UBA6: variants seen among roughly 807,000 people sequenced by gnomAD.
The protein encoded by UBA6 is ubiquitin-like modifier-activating enzyme 6.
UBA6 carries 87 observed loss-of-function variants against 148.3 expected under a neutral mutation model. That is an observed-to-expected ratio of 0.59 (90% CI 0.49 to 0.70). The LOEUF (loss-of-function observed/expected upper bound fraction) is 0.70. Ranked by LOEUF, UBA6 falls within the 30% of genes least tolerant of loss-of-function variation. The pLI, the probability that UBA6 is intolerant of heterozygous loss-of-function variation, is 0.00. For synonymous variants in UBA6, 376 were observed against 401.0 expected (o/e 0.94, Z 0.75); for missense variants, 1,186 against 1,241.2 (o/e 0.96, Z 0.67).
chr4:67,622,615 C>T (rs1728776112), intron 32 of UBA6, among the ~76,000 whole-genome samples: 1 of 152,154 alleles, frequency 6.6e-6, no homozygotes, highest in African/African-American at 2.4e-5. Flanking sequence ...AGTGTACTGG[C>T]CAAATCAGGT....
At chr4:67,632,147 T>A (rs921341504) in intron 23 of UBA6, among the ~76,000 whole-genome samples, 2 of 152,192 alleles carry the variant, frequency 1.3e-5, no homozygotes, top group African/African-American at 4.8e-5. Flanking sequence ...ATTTGTAGGT[T>A]TATTGGGAGG....
intron 1 of UBA6, among the ~76,000 whole-genome samples, chr4:67,700,508 C>CT (rs1419410534): frequency 6.7e-6 from 1 of 149,830 alleles, no homozygotes; most frequent in Non-Finnish European, 1.5e-5. Context: ...GAATGGGTAA[C>CT]TTGTGTATTT....
Position 67,618,905 on chromosome 4 carries a change from A to G in UBA6, c.*92T>C. The G allele has an allele frequency of 2.4e-6, 3 of 1,258,414 alleles. No homozygotes were observed. Among genetic ancestry groups the G allele is most frequent in the South Asian group, 3.1e-5 (2 of 65,460 alleles). The allele number at this position is 1,258,414 out of a possible 1,614,324, so 78.0% of individuals were successfully genotyped here. On this transcript the variant is annotated 3_prime_UTR_variant, in exon 33 of 33. Transcript: ENST00000322244. ...TTAAGGCTTAATGAAAGAGAAATCC[A>G]TAGTATTATGAACTGATTTTCTTTA...
chr4:67,701,137 C>T lies in UBA6; in HGVS notation c.-18G>A, dbSNP rs1730975123. On this transcript the variant is annotated 5_prime_UTR_variant, in exon 1 of 33. Coordinates refer to ENST00000322244, the MANE Select transcript of UBA6 (RefSeq NM_018227.6). Reference sequence around the variant, plus strand: ...CCTTCCATTGCCGCCTGAGACACCGCCGCCGGCTACTGGAAGGTAGGAAGG... The same window carrying T: ...CCTTCCATTGCCGCCTGAGACACCGTCGCCGGCTACTGGAAGGTAGGAAGG... The T allele has an allele frequency of 1.2e-6, 2 of 1,611,034 alleles. No homozygotes were observed. Among genetic ancestry groups the T allele is most frequent in the African/African-American group, 1.3e-5 (1 of 74,870 alleles).
chr4:67,637,486 A>C (rs963055345), intron 19 of UBA6, among the ~76,000 whole-genome samples: 2 of 152,184 alleles, frequency 1.3e-5, no homozygotes, highest in African/African-American at 4.8e-5. Context: ...GGTTTTGTAG[A>C]ATAGAAAAGG....
intron 13 of UBA6, among the ~76,000 whole-genome samples, chr4:67,649,691 T>C (rs990698869): frequency 3.9e-5 from 6 of 152,130 alleles, no homozygotes; most frequent in African/African-American, 1.4e-4. Flanking sequence ...CAATTAATAA[T>C]AACACAATAC....
intron 17 of UBA6, among the ~76,000 whole-genome samples, chr4:67,643,376 A>G (rs1331279304): frequency 1.3e-5 from 2 of 151,974 alleles, no homozygotes; most frequent in Non-Finnish European, 2.9e-5. Flanking sequence ...CTTTTTCTGC[A>G]TAGTCCTGAG....
chr4:67,669,537 A>G (rs751580024), intron 8 of UBA6, among the ~76,000 whole-genome samples: 1 of 152,182 alleles, frequency 6.6e-6, no homozygotes, highest in African/African-American at 2.4e-5. Context: ...AGTTGATTAC[A>G]AAGAGTACAA....
In UBA6 at chr4:67,638,925, T is replaced by G. The variant is rs1729234848; in HGVS notation, c.1736+18A>C. The G allele has an allele frequency of 1.3e-6, 2 of 1,561,660 alleles. No homozygotes were observed. On this transcript the variant is annotated intron_variant, in intron 19 of 32. Transcript: ENST00000322244. Reference sequence around the variant, plus strand: ...AACTAAAGACAATTCTGTAGGAACATGAATTTCAAGAACATACCTGTCTAC... The same window carrying G: ...AACTAAAGACAATTCTGTAGGAACAGGAATTTCAAGAACATACCTGTCTAC...
chr4:67,627,306 T>C (rs1418402522), intron 27 of UBA6, among the ~76,000 whole-genome samples: 1 of 151,972 alleles, frequency 6.6e-6, no homozygotes, highest in Non-Finnish European at 1.5e-5. Flanking sequence ...GAATGGCTAG[T>C]TGATATTTTT....
chr4:67,668,211 G>C (rs1004118245), intron 9 of UBA6, among the ~76,000 whole-genome samples: 1 of 152,096 alleles, frequency 6.6e-6, no homozygotes, highest in Non-Finnish European at 1.5e-5. Flanking sequence ...CTTTAGTTCT[G>C]TCTTGCATCT....
intron 13 of UBA6, among the ~76,000 whole-genome samples, chr4:67,661,415 C>A (rs1729853520): frequency 6.6e-6 from 1 of 152,142 alleles, no homozygotes; most frequent in Non-Finnish European, 1.5e-5. Context: ...AAGAACCTGG[C>A]AGTTCCCCTG....
Position 67,630,640 on chromosome 4 carries a change from C to T in UBA6, c.2259-105G>A, listed in dbSNP as rs1267859080. 15 of 691,448 alleles carry T rather than the reference C, an allele frequency of 2.2e-5. No homozygotes were observed. In the South Asian group the frequency reaches 3.4e-4, roughly 16 times the overall value. 42.8% of individuals were successfully genotyped at this position (691,448 alleles called of 1,614,324 possible). A position where few individuals can be genotyped will look rare whatever the true frequency, so the allele number is the denominator to read the frequency against. On this transcript the variant is annotated intron_variant, in intron 25 of 32. Coordinates refer to ENST00000322244, the MANE Select transcript of UBA6 (RefSeq NM_018227.6). The stretch of plus-strand genomic sequence containing the variant: ...TTAAATGTAGTTTGAAGAAATATAA[C>T]CACAGAATTATTATTTCAAGTTTTT...
At chr4:67,622,810 C>G (rs2109893556) in intron 32 of UBA6, 21 bp downstream of exon 32, 1 of 1,535,498 alleles carries the variant, frequency 6.5e-7, no homozygotes, top group African/African-American at 1.4e-5. Context: ...TTAATCGCTG[C>G]ATATAATGTT....
chr4:67,696,764 A>C, intron 1 of UBA6, 57 bp from the exon 2 acceptor site: 1 of 1,411,710 alleles, frequency 7.1e-7, no homozygotes, highest in African/African-American at 1.4e-5. Flanking sequence ...ATATTTGATT[A>C]CTTGTGTGAT....
At chr4:67,620,248 G>A (rs1240944475) in intron 32 of UBA6, among the ~76,000 whole-genome samples, 2 of 152,020 alleles carry the variant, frequency 1.3e-5, no homozygotes, top group African/African-American at 4.8e-5. Flanking sequence ...ATCAATATAA[G>A]GCAAATTAAT....
intron 2 of UBA6, among the ~76,000 whole-genome samples, chr4:67,683,670 C>G (rs1730493948): frequency 6.6e-6 from 1 of 151,562 alleles, no homozygotes; most frequent in African/African-American, 2.4e-5. Flanking sequence ...CCCAGGGAAG[C>G]AAAAAGATTG....
chr4:67,666,699 G>C (rs758462190), intron 9 of UBA6, among the ~76,000 whole-genome samples: 5 of 151,816 alleles, frequency 3.3e-5, no homozygotes, highest in Non-Finnish European at 7.4e-5. Context: ...AAAATAGAGA[G>C]ATCTTGTCTC....
At position 67,630,531 on chromosome 4, in the gene UBA6, G is replaced by A; in HGVS notation, c.2263C>T (p.Leu755Phe). ...IKFDLNEPLHLSFLQNAAKLY... is the reference protein window; with the variant it reads ...IKFDLNEPLHFSFLQNAAKLY... ...TTTGCAGCATTCTGAAGGAAACTGA[G>A]GTGCCTTTTGAAATTAAAAAATAAA... Residue 755 changes from leucine to phenylalanine, a missense_variant, in exon 26 of 33, where the codon CTC (leucine) becomes TTC (phenylalanine). Leu to Phe is a conservative substitution (Grantham distance 22). Coordinates refer to ENST00000322244, the MANE Select transcript of UBA6 (RefSeq NM_018227.6). 1.3e-6 allele frequency: 2 copies of A among 1,572,302 alleles called. No individual in the cohort carries two copies. Among genetic ancestry groups the A allele is most frequent in the South Asian group, 1.2e-5 (1 of 84,130 alleles).
Sources: allele counts gnomAD v4.1 joint callset (sites outside exome capture counted in the v4.1 genomes callset), GRCh38; gene constraint gnomAD v4.1.1; transcripts MANE v1.5; gene names NCBI Gene and HGNC (gene_info 2026-07-23, HGNC 2026-07-21).